The following MCC variants were observed in gnomAD, a reference collection of about 807,000 sequenced individuals.
MCC encodes the protein MCC regulator of Wnt signaling pathway.
Under a neutral mutation model 116.2 loss-of-function variants are expected in MCC, and 90 were observed. The ratio of observed to expected loss-of-function variants is 0.77; its 90% confidence interval spans 0.65 to 0.92. The LOEUF (loss-of-function observed/expected upper bound fraction) is 0.92. Ranked by LOEUF, MCC falls within the 40% of genes least tolerant of loss-of-function variation. MCC has a pLI of 0.00. For synonymous variants in MCC, 578 were observed against 510.5 expected (o/e 1.13, Z -1.78); for missense variants, 1,516 against 1,312.2 (o/e 1.16, Z -2.40).
At chr5:113,384,695 T>G (rs1385691391) in intron 2 of MCC, among the ~76,000 whole-genome samples, 1 of 152,224 alleles carries the variant, frequency 6.6e-6, no homozygotes, top group Non-Finnish European at 1.5e-5. Context: ...TTCTTATGCA[T>G]TTGCCCTTCT....
intron 1 of MCC, among the ~76,000 whole-genome samples, chr5:113,464,245 A>G (rs1275537396): frequency 6.6e-6 from 1 of 152,210 alleles, no homozygotes; most frequent in Non-Finnish European, 1.5e-5. Flanking sequence ...AAACTCAATT[A>G]GACTAAAAGC....
chr5:113,209,944 T>A (rs984829576), intron 3 of MCC, among the ~76,000 whole-genome samples: 2 of 152,216 alleles, frequency 1.3e-5, no homozygotes, highest in Admixed American at 6.5e-5. Context: ...TTTTTGCTTA[T>A]AAAAATGGCA....
intron 1 of MCC, among the ~76,000 whole-genome samples, chr5:113,388,356 G>C (rs370355784): frequency 3.3e-5 from 5 of 152,110 alleles, no homozygotes; most frequent in Non-Finnish European, 5.9e-5. Context: ...AAGCCTGCAG[G>C]GGAATTACAA....
chr5:113,255,207 AC>A (rs1250966975), intron 3 of MCC, among the ~76,000 whole-genome samples: 1 of 151,732 alleles, frequency 6.6e-6, no homozygotes, highest in Non-Finnish European at 1.5e-5. Flanking sequence ...TTATTCCCCC[AC>A]CCCTTTTGCA....
chr5:113,183,655 C>T (rs372233219), intron 3 of MCC, among the ~76,000 whole-genome samples: 12 of 152,090 alleles, frequency 7.9e-5, no homozygotes, highest in African/African-American at 2.4e-4. Flanking sequence ...GAGTCTCATA[C>T]GCAGAGAGAG....
rs1259155237 is a variant in MCC, at chr5:113,022,292, T to C, written c.*5010A>G. 1 of 152,642 alleles carries C rather than the reference T, an allele frequency of 6.6e-6. No individual in the cohort carries two copies. Among genetic ancestry groups the C allele is most frequent in the South Asian group, 2.1e-4 (1 of 4,838 alleles). The allele number at this position is 152,642 out of a possible 1,614,324, so 9.5% of individuals were successfully genotyped here. A position where few individuals can be genotyped will look rare whatever the true frequency, so the allele number is the denominator to read the frequency against. On this transcript the variant is annotated 3_prime_UTR_variant, in exon 19 of 19. Transcript: ENST00000408903. ...AATACAAGTGGAGAATCTAAAAAAT[T>C]ACAAGGTATAGTACAGTGTTAAGTA...
chr5:113,301,301 A>C lies in MCC; in HGVS notation c.627+39218T>G, dbSNP rs527723849. On this transcript the variant is annotated intron_variant, in intron 3 of 18. Transcript: ENST00000408903. ...ACCAACATGGAGAAACCCCATCTCT[A>C]CTAAAAATACAAAATTAGCCAGGTG... Among the ~76,000 whole-genome samples the C allele has an allele frequency of 2.9e-3, 445 of 152,308 alleles. 1 individual carries two copies. The highest frequency in any genetic ancestry group is 0.01 in the African/African-American group (423 of 41,566).
intron 2 of MCC, among the ~76,000 whole-genome samples, chr5:113,352,776 G>C (rs1036291165): frequency 6.6e-6 from 1 of 152,100 alleles, no homozygotes; most frequent in African/African-American, 2.4e-5. Flanking sequence ...ATTTGAATCG[G>C]TATTTGTGTT....
chr5:113,028,894 G>T, intron 18 of MCC, 40 bp downstream of exon 18: 1 of 1,604,462 alleles, frequency 6.2e-7, no homozygotes, highest in South Asian at 1.1e-5. Flanking sequence ...AAGTACCACA[G>T]GTGGAGGGCG....
At chr5:113,212,276 T>C (rs957281982) in intron 3 of MCC, among the ~76,000 whole-genome samples, 7 of 152,142 alleles carry the variant, frequency 4.6e-5, no homozygotes, top group Admixed American at 2.6e-4. Context: ...TTCCCCTTTC[T>C]CTACACCAAG....
intron 3 of MCC, among the ~76,000 whole-genome samples, chr5:113,170,243 A>G (rs1045130867): frequency 6.6e-6 from 1 of 152,196 alleles, no homozygotes; most frequent in Non-Finnish European, 1.5e-5. Context: ...GGACAGATGG[A>G]GCCATAGGGT....
At position 113,122,680 on chromosome 5, in the gene MCC, T is replaced by A. The variant is rs1757802419; in HGVS notation, c.1027+4A>T. The A allele has an allele frequency of 1.2e-6, 2 of 1,613,880 alleles. No homozygotes were observed. The highest frequency in any genetic ancestry group is 1.7e-6 in the Non-Finnish European group (2 of 1,179,894). ...GGCTTGGTGGCAAGGGCAGGCAGAC[T>A]CACCCATGTCAGCAGTAACCATGGT... On this transcript the variant is annotated splice_donor_region_variant and intron_variant, in intron 6 of 18. Coordinates refer to ENST00000408903, the MANE Select transcript of MCC (RefSeq NM_001085377.2).
At chr5:113,305,983 A>G (rs2150366425) in intron 3 of MCC, among the ~76,000 whole-genome samples, 1 of 152,330 alleles carries the variant, frequency 6.6e-6, no homozygotes, top group East Asian at 1.9e-4. Flanking sequence ...TATTCTGGAC[A>G]CACCATATAA....
At chr5:113,281,097 G>C (rs1231994594) in intron 3 of MCC, among the ~76,000 whole-genome samples, 2 of 152,208 alleles carry the variant, frequency 1.3e-5, no homozygotes, top group African/African-American at 4.8e-5. Context: ...TAAAGTATCA[G>C]AGGCTTTAAA....
At chr5:113,366,418 T>C (rs1768689936) in intron 2 of MCC, among the ~76,000 whole-genome samples, 1 of 152,180 alleles carries the variant, frequency 6.6e-6, no homozygotes, top group South Asian at 2.1e-4. Context: ...GGAGAATTAT[T>C]TGTGGATATT....
chr5:113,126,413 C>A (rs1480425324), intron 5 of MCC, among the ~76,000 whole-genome samples: 1 of 152,134 alleles, frequency 6.6e-6, no homozygotes, highest in African/African-American at 2.4e-5. Context: ...CAGCCTAATT[C>A]CTAAATTTCA....
At chr5:113,236,726 G>C (rs1764144887) in intron 3 of MCC, among the ~76,000 whole-genome samples, 1 of 152,184 alleles carries the variant, frequency 6.6e-6, no homozygotes, top group Non-Finnish European at 1.5e-5. Context: ...GGTTAGGGCA[G>C]AGCAGATAAA....
At chr5:113,164,613 G>A (rs75020200) in intron 3 of MCC, among the ~76,000 whole-genome samples, 4,593 of 152,260 alleles carry the variant, frequency 0.03, 118 homozygotes, top group East Asian at 0.09. Context: ...ACAGTAAACC[G>A]AGATAGGTGC....
intron 11 of MCC, among the ~76,000 whole-genome samples, chr5:113,078,292 C>T (rs1398599600): frequency 6.6e-6 from 1 of 152,222 alleles, no homozygotes; most frequent in African/African-American, 2.4e-5. Flanking sequence ...GGAATCCTCC[C>T]TCATTCATTT....
Sources: gnomAD v4.1 joint callset for allele counts (sites outside exome capture counted in the v4.1 genomes callset) on GRCh38, gnomAD v4.1.1 for gene constraint, MANE v1.5 for transcripts, NCBI Gene and HGNC (gene_info 2026-07-23, HGNC 2026-07-21) for gene names.